The following MIPOL1 variants were observed in gnomAD, a reference collection of about 807,000 sequenced individuals.
MIPOL1 encodes the protein mirror-image polydactyly gene 1 protein.
In MIPOL1, 57 loss-of-function variants were observed where a neutral mutation model predicts 60.9. The observed-to-expected ratio is 0.94, with a 90% CI of 0.76 to 1.17. MIPOL1 has a LOEUF of 1.17. Ranked by LOEUF, MIPOL1 falls within the 50% of genes most tolerant of loss-of-function variation. The pLI, the probability that MIPOL1 is intolerant of heterozygous loss-of-function variation, is 0.00. For synonymous variants in MIPOL1, 179 were observed against 168.8 expected, an observed-to-expected ratio of 1.06 and a Z score of -0.47; for missense variants, 551 against 511.6, an observed-to-expected ratio of 1.08 and a Z score of -0.74.
At chr14:37,377,581 G>T (rs577438504) in intron 10 of MIPOL1, among the ~76,000 whole-genome samples, 1 of 152,000 alleles carries the variant, frequency 6.6e-6, no homozygotes, top group South Asian at 2.1e-4. Flanking sequence ...CTGCCAAATT[G>T]GTCTATTAAC....
At chr14:37,331,766 T>A (rs1417068661) in intron 9 of MIPOL1, among the ~76,000 whole-genome samples, 1 of 152,194 alleles carries the variant, frequency 6.6e-6, no homozygotes, top group African/African-American at 2.4e-5. Context: ...TATATCTTTC[T>A]CTTGTCAAAT....
At chr14:37,500,237 A>C in intron 12 of MIPOL1, 99 bp downstream of exon 12, 1 of 840,604 alleles carries the variant, frequency 1.2e-6, no homozygotes, top group Non-Finnish European at 1.8e-6. Flanking sequence ...GATCATGTTA[A>C]TAGTTTAGAA....
intron 10 of MIPOL1, among the ~76,000 whole-genome samples, chr14:37,393,404 T>TGTGTGTG (rs2093296446): frequency 8.5e-6 from 1 of 117,926 alleles, no homozygotes; most frequent in African/African-American, 3.3e-5. Context: ...TGTTTTGTTT[T>TGTGTGTG]TGTGTGTGTG....
At chr14:37,216,062 CAAAAAAAAA>C (rs71449980) in intron 1 of MIPOL1, among the ~76,000 whole-genome samples, 1 of 85,836 alleles carries the variant, frequency 1.2e-5, no homozygotes, top group African/African-American at 4.3e-5. Context: ...ACCTCCATCT[CAAAAAAAAA>C]AAAAAAAAGA....
At chr14:37,317,219 T>C (rs1325132477) in intron 9 of MIPOL1, among the ~76,000 whole-genome samples, 2 of 152,154 alleles carry the variant, frequency 1.3e-5, no homozygotes, top group Admixed American at 6.5e-5. Context: ...AATGTTAGAT[T>C]AATTTAGATT....
At chr14:37,404,798 G>T (rs2093556616) in intron 10 of MIPOL1, among the ~76,000 whole-genome samples, 1 of 152,114 alleles carries the variant, frequency 6.6e-6, no homozygotes, top group South Asian at 2.1e-4. Context: ...GTTTTAGGGA[G>T]CATCAATTGT....
intron 9 of MIPOL1, among the ~76,000 whole-genome samples, chr14:37,358,799 G>A (rs1050863441): frequency 2.6e-5 from 4 of 151,982 alleles, no homozygotes; most frequent in African/African-American, 9.7e-5. Context: ...TTCACTCTGA[G>A]GGTAGTTTCT....
In MIPOL1 at chr14:37,285,339, T is replaced by A; in HGVS notation, c.515T>A (p.Phe172Tyr). Residue 172 changes from phenylalanine (F) to tyrosine (Y), a missense_variant, in exon 7 of 13, where the codon TTT becomes TAT. Physicochemically the swap from Phe to Tyr is conservative, Grantham distance 22. Transcript: ENST00000684589. The stretch of plus-strand genomic sequence containing the variant: ...GTAGCTCTGGTTGAAGAAGTGTATT[T>A]TGCGCAGAAGGAACGTGATGAAGCT... ...KTAALVEEVY[F>Y]AQKERDEAVM... 3.7e-6 allele frequency: 6 copies of A among 1,614,038 alleles called. No individual in the cohort carries two copies. The highest frequency in any genetic ancestry group is 5.1e-6 in the Non-Finnish European group (6 of 1,179,982).
At chr14:37,257,545 C>G (rs950795165) in intron 3 of MIPOL1, among the ~76,000 whole-genome samples, 1 of 152,048 alleles carries the variant, frequency 6.6e-6, no homozygotes, top group Non-Finnish European at 1.5e-5. Context: ...CATTTTTTAT[C>G]TGCCAAAGGC....
At chr14:37,303,519 C>A (rs2086507663) in intron 7 of MIPOL1, among the ~76,000 whole-genome samples, 1 of 151,574 alleles carries the variant, frequency 6.6e-6, no homozygotes, top group African/African-American at 2.4e-5. Context: ...TATTTTTTAC[C>A]CTTCATTGCT....
At chr14:37,350,972 TA>T (rs930247315) in intron 9 of MIPOL1, among the ~76,000 whole-genome samples, 101 of 151,776 alleles carry the variant, frequency 6.7e-4, no homozygotes, top group African/African-American at 2.3e-3. Context: ...GTTAGTTACA[TA>T]TGTATACATG....
At chr14:37,279,906 A>C (rs531914324) in intron 6 of MIPOL1, among the ~76,000 whole-genome samples, 222 of 152,194 alleles carry the variant, frequency 1.5e-3, no homozygotes, top group Admixed American at 3.7e-3. Flanking sequence ...GTCTAACTGA[A>C]AATTGTATTT....
intron 11 of MIPOL1, among the ~76,000 whole-genome samples, chr14:37,472,872 T>C (rs913288002): frequency 2.0e-5 from 3 of 152,144 alleles, no homozygotes; most frequent in African/African-American, 4.8e-5. Context: ...AAACCCAATA[T>C]GTTTTACAGA....
intron 6 of MIPOL1, among the ~76,000 whole-genome samples, chr14:37,279,717 T>A (rs1467113134): frequency 1.3e-5 from 2 of 152,136 alleles, no homozygotes; most frequent in Non-Finnish European, 2.9e-5. Context: ...TTTCAGTACA[T>A]GTACATACAT....
At chr14:37,307,935 G>A in intron 7 of MIPOL1, 121 bp from the exon 8 acceptor site, 1 of 762,604 alleles carries the variant, frequency 1.3e-6, no homozygotes, top group Non-Finnish European at 2.2e-6. Flanking sequence ...TCAGTGTCAT[G>A]GTTGACTCTA....
intron 1 of MIPOL1, among the ~76,000 whole-genome samples, chr14:37,226,681 T>G (rs747419490): frequency 2.0e-5 from 3 of 152,036 alleles, no homozygotes; most frequent in Non-Finnish European, 4.4e-5. Flanking sequence ...ATGCATGCCT[T>G]TAGTCCCAGT....
chr14:37,319,365 A>G (rs1196216449), intron 9 of MIPOL1, among the ~76,000 whole-genome samples: 1 of 152,182 alleles, frequency 6.6e-6, no homozygotes, highest in East Asian at 1.9e-4. Flanking sequence ...TAGAAATGTT[A>G]TTTGAAATTT....
rs180701481 is a variant in MIPOL1 at position 37,427,626 on chromosome 14, T to C, written c.1031+4677T>C. On this transcript the variant is annotated intron_variant, in intron 11 of 12. Coordinates refer to ENST00000684589, the MANE Select transcript of MIPOL1 (RefSeq NM_001388067.1). Reference sequence around the variant, plus strand: ...AGGTACAGAGAACACTCTGTGAGGATATACAGAAATTTATTTTAAATGGGA... The same window carrying C: ...AGGTACAGAGAACACTCTGTGAGGACATACAGAAATTTATTTTAAATGGGA... Among the ~76,000 whole-genome samples, 742 of 152,278 alleles carry C rather than the reference T, an allele frequency of 4.9e-3. 4 individuals carry two copies. Among genetic ancestry groups the C allele is most frequent in the African/African-American group, 0.015 (629 of 41,560 alleles).
chr14:37,497,332 G>A (rs73253756), intron 11 of MIPOL1, among the ~76,000 whole-genome samples: 373 of 152,256 alleles, frequency 2.4e-3, no homozygotes, highest in African/African-American at 8.0e-3. Flanking sequence ...AATTGGTTAC[G>A]GTATACTGGT....
Sources: allele counts gnomAD v4.1 joint callset (sites outside exome capture counted in the v4.1 genomes callset), GRCh38; gene constraint gnomAD v4.1.1; transcripts MANE v1.5; gene names NCBI Gene and HGNC (gene_info 2026-07-23, HGNC 2026-07-21).